The following PTPRE variants were observed in gnomAD, a reference collection of about 807,000 sequenced individuals.
PTPRE encodes receptor-type tyrosine-protein phosphatase epsilon.
A neutral mutation model predicts 102.0 loss-of-function variants in PTPRE; 51 were observed. That is an observed-to-expected ratio of 0.50 (90% CI 0.40 to 0.63). PTPRE has a LOEUF of 0.63. Ranked by LOEUF, PTPRE falls within the 30% of genes least tolerant of loss-of-function variation. The pLI, the probability that PTPRE is intolerant of heterozygous loss-of-function variation, is 0.00. For synonymous variants in PTPRE, 345 were observed against 348.2 expected (o/e 0.99, Z 0.10); for missense variants, 752 against 915.1 (o/e 0.82, Z 2.30).
intron 9 of PTPRE, 79 bp from the exon 10 acceptor site, chr10:128,063,004 C>T (rs1033430583): frequency 3.2e-6 from 5 of 1,587,078 alleles, no homozygotes; most frequent in Admixed American, 1.8e-5. Flanking sequence ...CAGGGGCCAA[C>T]GGCCAGGGTG....
At chr10:128,005,309 G>C (rs893706043) in intron 2 of PTPRE, among the ~76,000 whole-genome samples, 1 of 152,106 alleles carries the variant, frequency 6.6e-6, no homozygotes, top group African/African-American at 2.4e-5. Flanking sequence ...TCCTCTCTTC[G>C]TTCTCTTCCA....
intron 7 of PTPRE, among the ~76,000 whole-genome samples, chr10:128,056,789 A>G (rs1435499140): frequency 6.6e-6 from 1 of 151,790 alleles, no homozygotes; most frequent in Non-Finnish European, 1.5e-5. Flanking sequence ...TGGCAGGGCC[A>G]GAGAGCAGAC....
At position 128,019,530 on chromosome 10, in the gene PTPRE, C is replaced by T. The variant is rs781027023; in HGVS notation, c.-7-21345C>T. On this transcript the variant is annotated intron_variant, in intron 2 of 20. Coordinates refer to ENST00000254667, the MANE Select transcript of PTPRE (RefSeq NM_006504.6). ...AAAATACTCAGAGTCCAGGGTCCTT[C>T]GTGGGATCTGCCTTGAGTAGCCAGA... 8.5e-5 allele frequency among the ~76,000 whole-genome samples: 13 copies of T among 152,190 alleles called. 1 individual carries two copies. The highest frequency in any genetic ancestry group is 4.1e-4 in the South Asian group (2 of 4,830).
At chr10:128,011,732 A>G (rs552661644) in intron 2 of PTPRE, among the ~76,000 whole-genome samples, 1 of 152,290 alleles carries the variant, frequency 6.6e-6, no homozygotes, top group South Asian at 2.1e-4. Flanking sequence ...TGAGCATCCT[A>G]GGGGCTCCCC....
At chr10:127,984,078 C>CTTTTTTTTTTTTT (rs58130253) in intron 2 of PTPRE, among the ~76,000 whole-genome samples, 1 of 125,392 alleles carries the variant, frequency 8.0e-6, no homozygotes. Context: ...TTCTTTCTTT[C>CTTTTTTTTTTTTT]TTTTTTTTTT....
chr10:127,926,517 G>A (rs545002646), intron 1 of PTPRE, among the ~76,000 whole-genome samples: 100 of 151,954 alleles, frequency 6.6e-4, no homozygotes, highest in African/African-American at 2.4e-3. Flanking sequence ...TATTTTGTTC[G>A]GTTTCCTAGA....
intron 3 of PTPRE, among the ~76,000 whole-genome samples, chr10:128,043,263 C>T (rs1847850561): frequency 6.6e-6 from 1 of 152,136 alleles, no homozygotes; most frequent in Non-Finnish European, 1.5e-5. Flanking sequence ...TCAGTGGGAG[C>T]CCTGAGCTTG....
intron 1 of PTPRE, among the ~76,000 whole-genome samples, chr10:127,908,206 T>C (rs756219964): frequency 2.1e-4 from 32 of 152,206 alleles, no homozygotes; most frequent in Non-Finnish European, 3.4e-4. Context: ...AAAGAAAGAA[T>C]ACAGCTCTCT....
chr10:128,056,275 T>C lies in PTPRE; in HGVS notation c.511+62T>C. 3 of 1,411,702 alleles carry C rather than the reference T, an allele frequency of 2.1e-6. No individual in the cohort carries two copies. In the East Asian group the frequency reaches 6.9e-5, roughly 32 times the overall value. 87.4% of individuals were successfully genotyped at this position (1,411,702 alleles called of 1,614,324 possible). A position where few individuals can be genotyped will look rare whatever the true frequency, so the allele number is the denominator to read the frequency against. On this transcript the variant is annotated intron_variant, in intron 7 of 20. Coordinates refer to ENST00000254667, the MANE Select transcript of PTPRE (RefSeq NM_006504.6). ...GTTTGCACTAAACTCAGCTTTGCCT[T>C]GCAGCTCCCCGTGACTGCAGGCCAT...
chr10:128,051,478 C>T (rs1009565878), intron 6 of PTPRE, among the ~76,000 whole-genome samples: 4 of 152,332 alleles, frequency 2.6e-5, no homozygotes, highest in South Asian at 4.1e-4. Context: ...AGGCTTGGGC[C>T]GACTGATTTT....
rs532558834 is a variant in PTPRE at position 128,014,891 on chromosome 10, G to T, written c.-7-25984G>T. Reference sequence around the variant, plus strand: ...GGAAGGAGACAGTGGAGATGACATGGCTGGGAATGGGATGGGGTGGGGGCC... The same window carrying T: ...GGAAGGAGACAGTGGAGATGACATGTCTGGGAATGGGATGGGGTGGGGGCC... On this transcript the variant is annotated intron_variant, in intron 2 of 20. Transcript: ENST00000254667. Among the ~76,000 whole-genome samples the T allele has an allele frequency of 9.9e-5, 15 of 152,182 alleles. 1 individual carries two copies. Among genetic ancestry groups the T allele is most frequent in the Middle Eastern group, 3.4e-3 (1 of 294 alleles).
intron 1 of PTPRE, among the ~76,000 whole-genome samples, chr10:127,919,529 T>C (rs1846445292): frequency 6.6e-6 from 1 of 152,202 alleles, no homozygotes; most frequent in South Asian, 2.1e-4. Context: ...CCCTCCTTCC[T>C]GTGCCTGCAA....
At chr10:127,982,687 T>C (rs921078243) in intron 2 of PTPRE, among the ~76,000 whole-genome samples, 4 of 152,148 alleles carry the variant, frequency 2.6e-5, no homozygotes, top group African/African-American at 9.7e-5. Context: ...GGGCACATAA[T>C]TGCATTGATG....
chr10:127,920,094 G>A (rs1846487527), intron 1 of PTPRE, among the ~76,000 whole-genome samples: 1 of 152,146 alleles, frequency 6.6e-6, no homozygotes, highest in South Asian at 2.1e-4. Context: ...TAACTGCTGC[G>A]AGTTTGTGGC....
chr10:128,070,024 T>C lies in PTPRE; in HGVS notation c.1143+197T>C, dbSNP rs183025943. 5 of 795,778 alleles carry C rather than the reference T, an allele frequency of 6.3e-6. No homozygotes were observed. In the Admixed American group the frequency reaches 1.1e-4, roughly 18 times the overall value. The allele number at this position is 795,778 out of a possible 1,614,324, so 49.3% of individuals were successfully genotyped here. ...CCCTCGTCCTCATCTTTCCCTCGTATCCTCATGTGAGATGGGGCAATCCTA... is the reference window on the plus strand; with the variant it reads ...CCCTCGTCCTCATCTTTCCCTCGTACCCTCATGTGAGATGGGGCAATCCTA... On this transcript the variant is annotated intron_variant, in intron 13 of 20. Transcript: ENST00000254667. The surrounding 1 kb of genome is among the most constrained non-coding windows in gnomAD (Gnocchi z 4.8).
chr10:127,978,866 C>T (rs777610864), intron 1 of PTPRE, among the ~76,000 whole-genome samples: 1 of 151,974 alleles, frequency 6.6e-6, no homozygotes, highest in Non-Finnish European at 1.5e-5. Context: ...ACTAAATATA[C>T]AAAAATTAGC....
intron 19 of PTPRE, 76 bp from the exon 20 acceptor site, chr10:128,079,484 G>C: frequency 6.5e-7 from 1 of 1,542,090 alleles, no homozygotes. Context: ...GATATGCAGG[G>C]GTTGGCTGTC....
At chr10:127,918,198 G>T (rs1039748553) in intron 1 of PTPRE, among the ~76,000 whole-genome samples, 1 of 152,010 alleles carries the variant, frequency 6.6e-6, no homozygotes, top group Non-Finnish European at 1.5e-5. Flanking sequence ...TCTCTCTCTG[G>T]CTCCCATGAC....
At chr10:127,972,789 A>G (rs2135430519) in intron 1 of PTPRE, among the ~76,000 whole-genome samples, 1 of 152,314 alleles carries the variant, frequency 6.6e-6, no homozygotes, top group Non-Finnish European at 1.5e-5. Context: ...TACAGGAGAG[A>G]CCAGTAGCCA....
Sources: gnomAD v4.1 joint callset for allele counts (sites outside exome capture counted in the v4.1 genomes callset) on GRCh38, gnomAD v4.1.1 for gene constraint, Gnocchi (gnomAD v3.1) non-coding constraint, MANE v1.5 for transcripts, NCBI Gene and HGNC (gene_info 2026-07-23, HGNC 2026-07-21) for gene names.